ZNF845: variants seen among roughly 807,000 people sequenced by gnomAD.
ZNF845 encodes zinc finger protein 845.
In ZNF845, 59 loss-of-function variants were observed where a neutral mutation model predicts 76.1. The observed-to-expected ratio is 0.78, with a 90% CI of 0.63 to 0.96. The LOEUF is 0.96. Ranked by LOEUF, ZNF845 falls within the 40% of genes least tolerant of loss-of-function variation. The pLI, the probability that ZNF845 is intolerant of heterozygous loss-of-function variation, is 0.00. For missense variants in ZNF845, 1,045 were observed against 1,172.8 expected (o/e 0.89, Z 1.59); for synonymous variants, 361 against 386.9 (o/e 0.93, Z 0.78).
At chr19:53,340,525 C>A (rs928314002) in intron 1 of ZNF845, among the ~76,000 whole-genome samples, 7 of 152,160 alleles carry the variant, frequency 4.6e-5, no homozygotes, top group African/African-American at 1.7e-4. Flanking sequence ...TAAACGCATT[C>A]CCCCATGCTC....
intron 2 of ZNF845, among the ~76,000 whole-genome samples, chr19:53,342,134 A>G (rs2085260969): frequency 6.6e-6 from 1 of 151,118 alleles, no homozygotes; most frequent in Non-Finnish European, 1.5e-5. Flanking sequence ...TATTTTAAAT[A>G]TACAAAGTCT....
intron 3 of ZNF845, among the ~76,000 whole-genome samples, chr19:53,346,935 G>A (rs979081263): frequency 7.9e-5 from 12 of 151,900 alleles, no homozygotes; most frequent in Non-Finnish European, 1.5e-4. Context: ...CTAGGCTGGA[G>A]TGCAATGGCA....
rs2085338670 is a variant in ZNF845 at position 53,351,761 on chromosome 19, A to G, written c.1086A>G (p.Lys362=). ...EKPYKCEECD[K]AFSFKSNLER... The stretch of plus-strand genomic sequence containing the variant: ...CTTACAAATGTGAAGAATGTGACAA[A>G]GCTTTCAGTTTCAAATCAAACCTTG... Residue 362 remains lysine, a synonymous_variant, in exon 4 of 4, where the codon AAA becomes AAG. Transcript: ENST00000458035. The G allele has an allele frequency of 6.2e-7, 1 of 1,613,778 alleles. No individual in the cohort carries two copies. The highest frequency in any genetic ancestry group is 8.5e-7 in the Non-Finnish European group (1 of 1,179,910).
At position 53,341,636 on chromosome 19, in the gene ZNF845, T is replaced by C. The variant is rs538009294; in HGVS notation, c.15+314T>C. 2.4e-4 allele frequency among the ~76,000 whole-genome samples: 37 copies of C among 151,980 alleles called. 1 individual carries two copies. Among genetic ancestry groups the C allele is most frequent in the Non-Finnish European group, 2.4e-4 (16 of 68,028 alleles). ...GGATTGTTCAGGGGCCACATCTGGATGCACTGTCAGCTCTCTGTGAACCAG... is the reference window on the plus strand; with the variant it reads ...GGATTGTTCAGGGGCCACATCTGGACGCACTGTCAGCTCTCTGTGAACCAG... On this transcript the variant is annotated intron_variant, in intron 2 of 3. Coordinates refer to ENST00000458035, the MANE Select transcript of ZNF845 (RefSeq NM_138374.3).
At chr19:53,340,383 G>A (rs1599971078) in intron 1 of ZNF845, among the ~76,000 whole-genome samples, 1 of 151,992 alleles carries the variant, frequency 6.6e-6, no homozygotes, top group South Asian at 2.1e-4. Context: ...TACCCCCATG[G>A]CCCCATGGCC....
At position 53,348,587 on chromosome 19, in the gene ZNF845, C is replaced by A. The variant is rs540866314; in HGVS notation, c.143-2231C>A. The stretch of plus-strand genomic sequence containing the variant: ...CTATTGGAGAATAAGAACTTTGAAC[C>A]TGGCTTTTGGCCAATAAGAACATTC... On this transcript the variant is annotated intron_variant, in intron 3 of 3. Coordinates refer to ENST00000458035, the MANE Select transcript of ZNF845 (RefSeq NM_138374.3). Among the ~76,000 whole-genome samples, 8 of 152,296 alleles carry A rather than the reference C, an allele frequency of 5.3e-5. No homozygotes were observed. The East Asian group carries it at 1.4e-3, about 26-fold the overall frequency.
chr19:53,347,008 C>T lies in ZNF845; in HGVS notation c.142+1376C>T, dbSNP rs549671582. On this transcript the variant is annotated intron_variant, in intron 3 of 3. Transcript: ENST00000458035. Reference sequence around the variant, plus strand: ...AAGTGATTCTCCTGCCTCAGTTTTCCGAGTAGCTGGGATTACAGGCCTGTG... The same window carrying T: ...AAGTGATTCTCCTGCCTCAGTTTTCTGAGTAGCTGGGATTACAGGCCTGTG... Among the ~76,000 whole-genome samples, 17 of 152,094 alleles carry T rather than the reference C, an allele frequency of 1.1e-4. No individual in the cohort carries two copies. In the South Asian group the frequency reaches 1.5e-3, roughly 13 times the overall value.
rs1162921022 is a variant in ZNF845, at chr19:53,353,128, T to G, written c.2453T>G (p.Leu818Arg). 6.3e-7 allele frequency: 1 copy of G among 1,598,746 alleles called. No homozygotes were observed. The highest frequency in any genetic ancestry group is 2.2e-5 in the East Asian group (1 of 44,704). Residue 818 changes from leucine to arginine, a missense_variant, in exon 4 of 4, where the codon CTT (leucine) becomes CGT (arginine). Coordinates refer to ENST00000458035, the MANE Select transcript of ZNF845 (RefSeq NM_138374.3). Reference protein sequence around the residue: ...CGKNFRHNSALVIHKAIHSGE... With the variant: ...CGKNFRHNSARVIHKAIHSGE... ...AAGAACTTCCGTCACAATTCAGCCC[T>G]TGTAATTCATAAGGCAATTCATAGT...
At chr19:53,341,058 C>A in intron 1 of ZNF845, 177 bp from the exon 2 acceptor site, 2 of 639,260 alleles carry the variant, frequency 3.1e-6, no homozygotes, top group South Asian at 2.2e-5. Context: ...GGCTGCTCTG[C>A]ATGCTTCTTT....
Position 53,351,512 on chromosome 19 carries a change from C to T in ZNF845, c.837C>T (p.Thr279=). The change falls in exon 4 of 4, where the codon ACC becomes ACT. Residue 279 remains threonine (T), a synonymous_variant. Transcript: ENST00000458035. ...KPYKCNDCGK[T]FSQELTLTCH... ...ACAAGTGTAATGATTGTGGCAAGAC[C>T]TTCAGTCAGGAGTTAACCCTTACAT... is the stretch of plus-strand genomic sequence containing the variant. 1.2e-6 allele frequency: 2 copies of T among 1,614,224 alleles called. No homozygotes were observed. The highest frequency in any genetic ancestry group is 2.7e-5 in the African/African-American group (2 of 75,076).
Position 53,338,586 on chromosome 19 carries a change from TC to T in ZNF845, c.-73-2648del, listed in dbSNP as rs553768413. ...ACTTTAGGAAAGATTCTTCCAAGAA[TC>T]AAGAGTGCAAACAGCACCGTGAACT... On this transcript the variant is annotated intron_variant, in intron 1 of 3. Coordinates refer to ENST00000458035, the MANE Select transcript of ZNF845 (RefSeq NM_138374.3). 5.9e-4 allele frequency among the ~76,000 whole-genome samples: 81 copies of T among 137,050 alleles called. 10 individuals carry two copies. The highest frequency in any genetic ancestry group is 1.1e-3 in the Non-Finnish European group (66 of 62,136). The allele number at this position is 137,050 out of a possible 152,430, so 89.9% of individuals were successfully genotyped here.
At chr19:53,335,531 G>A (rs1387902295) in intron 1 of ZNF845, among the ~76,000 whole-genome samples, 10 of 152,104 alleles carry the variant, frequency 6.6e-5, no homozygotes, top group Non-Finnish European at 1.2e-4. Context: ...AAATTACTGG[G>A]ATTACAGGTG....
rs1237299405 is a variant in ZNF845, at chr19:53,354,686, C to G, written c.*1098C>G. The G allele has an allele frequency of 6.6e-6, 1 of 152,238 alleles. No homozygotes were observed. The highest frequency in any genetic ancestry group is 1.5e-5 in the Non-Finnish European group (1 of 68,108). 9.4% of individuals were successfully genotyped at this position (152,238 alleles called of 1,614,324 possible). On this transcript the variant is annotated 3_prime_UTR_variant, in exon 4 of 4. Transcript: ENST00000458035. ...TAGATTTCAAGGTACAAGCTTCTCA[C>G]CTCCTTAATTCAGTTTATTTGTAAG...
Position 53,352,410 on chromosome 19 carries a change from T to A in ZNF845, c.1735T>A (p.Tyr579Asn), listed in dbSNP as rs1038272098. The A allele has an allele frequency of 1.2e-6, 2 of 1,613,958 alleles. No individual in the cohort carries two copies. Residue 579 changes from tyrosine to asparagine, a missense_variant, in exon 4 of 4, where the codon TAC (tyrosine) becomes AAC (asparagine). Transcript: ENST00000458035. ...AGCAATCCATGGTATAGGGAAACTT[T>A]ACAAATGTAATGATTGTCACCAAGT... Reference protein sequence around the residue: ...HQAIHGIGKLYKCNDCHQVFS... With the variant: ...HQAIHGIGKLNKCNDCHQVFS...
At chr19:53,341,184 G>A (rs1007465943) in intron 1 of ZNF845, 51 bp from the exon 2 acceptor site, 24 of 1,425,746 alleles carry the variant, frequency 1.7e-5, no homozygotes, top group African/African-American at 1.4e-4. Flanking sequence ...TTGTGTTAAC[G>A]GAGGGGGTGT....
intron 1 of ZNF845, among the ~76,000 whole-genome samples, chr19:53,339,754 A>G (rs990935164): frequency 6.6e-6 from 1 of 152,236 alleles, no homozygotes; most frequent in Non-Finnish European, 1.5e-5. Flanking sequence ...AGTCATTCTC[A>G]TTCATTCACT....
rs749736402 is a variant in ZNF845, at chr19:53,345,562, C to T, written c.72C>T (p.Cys24=). 6.2e-7 allele frequency: 1 copy of T among 1,613,346 alleles called. No homozygotes were observed. Among genetic ancestry groups the T allele is most frequent in the South Asian group, 1.1e-5 (1 of 91,030 alleles). ...AIEFSQEEWK[C]LDPAQRTLYR... ...AATTCTCTCAGGAAGAGTGGAAGTG[C>T]CTGGACCCTGCTCAGAGGACTCTAT... The change falls in exon 3 of 4, where the codon TGC becomes TGT. Residue 24 remains cysteine (C), a synonymous_variant. Transcript: ENST00000458035.
chr19:53,347,177 C>T (rs1256341294), intron 3 of ZNF845, among the ~76,000 whole-genome samples: 2 of 152,014 alleles, frequency 1.3e-5, no homozygotes, highest in Non-Finnish European at 2.9e-5. Flanking sequence ...TGAACCACCG[C>T]GCCCAGCTTA....
intron 2 of ZNF845, 36 bp from the exon 3 acceptor site, chr19:53,345,470 C>T: frequency 6.2e-7 from 1 of 1,613,400 alleles, no homozygotes; most frequent in Non-Finnish European, 8.5e-7. Flanking sequence ...AGAACTCCTC[C>T]CATAACCATT....
Sources: allele counts gnomAD v4.1 joint callset (sites outside exome capture counted in the v4.1 genomes callset), GRCh38; gene constraint gnomAD v4.1.1; transcripts MANE v1.5; gene names NCBI Gene and HGNC (gene_info 2026-07-23, HGNC 2026-07-21).